MICU1: variants seen among roughly 807,000 people sequenced by gnomAD.
MICU1 encodes the protein mitochondrial calcium uptake 1, also known as calcium uptake protein 1, mitochondrial.
A neutral mutation model predicts 56.8 loss-of-function variants in MICU1; 45 were observed. That is an observed-to-expected ratio of 0.79 (90% confidence interval 0.62 to 1.02). MICU1 has a LOEUF of 1.02. Among genes scored for constraint, MICU1 ranks in the 50% least tolerant of loss-of-function variants. The pLI is 0.00. For missense variants in MICU1, 504 were observed against 587.1 expected, an observed-to-expected ratio of 0.86 and a Z score of 1.46; for synonymous variants, 186 against 195.1, an observed-to-expected ratio of 0.95 and a Z score of 0.39.
intron 5 of MICU1, among the ~76,000 whole-genome samples, chr10:72,513,023 C>T (rs1329254605): frequency 6.6e-6 from 1 of 152,000 alleles, no homozygotes; most frequent in Non-Finnish European, 1.5e-5. Context: ...TTGTTTAAGA[C>T]AGGAGGAGGT....
At chr10:72,559,438 T>C (rs1429696948) in intron 3 of MICU1, among the ~76,000 whole-genome samples, 4 of 151,798 alleles carry the variant, frequency 2.6e-5, no homozygotes, top group African/African-American at 9.6e-5. Flanking sequence ...TATATAATTT[T>C]ATAAAATATA....
At chr10:72,418,288 C>G (rs1356257452) in intron 9 of MICU1, among the ~76,000 whole-genome samples, 1 of 152,162 alleles carries the variant, frequency 6.6e-6, no homozygotes, top group Non-Finnish European at 1.5e-5. Flanking sequence ...AACCCCAGAA[C>G]ACTGATGCCT....
chr10:72,479,764 T>A (rs1394213115), intron 6 of MICU1, among the ~76,000 whole-genome samples: 1 of 152,172 alleles, frequency 6.6e-6, no homozygotes, highest in Non-Finnish European at 1.5e-5. Flanking sequence ...TGGCCTCAAA[T>A]GATCCTCCTG....
At chr10:72,592,523 C>A (rs576711039) in intron 1 of MICU1, among the ~76,000 whole-genome samples, 1 of 152,048 alleles carries the variant, frequency 6.6e-6, no homozygotes, top group Non-Finnish European at 1.5e-5. Flanking sequence ...AAAGACACTA[C>A]AAGAAAACTA....
chr10:72,602,945 A>C (rs1019815595), intron 1 of MICU1, among the ~76,000 whole-genome samples: 5 of 151,996 alleles, frequency 3.3e-5, no homozygotes, highest in Non-Finnish European at 7.4e-5. Flanking sequence ...GCCTCTGCTA[A>C]AAATACAAAA....
intron 1 of MICU1, among the ~76,000 whole-genome samples, chr10:72,580,740 G>A (rs991198221): frequency 6.6e-6 from 1 of 152,138 alleles, no homozygotes; most frequent in South Asian, 2.1e-4. Context: ...GCCTCCCAAA[G>A]TGCTGGGATT....
intron 8 of MICU1, among the ~76,000 whole-genome samples, chr10:72,463,895 A>G (rs1000640219): frequency 1.7e-4 from 26 of 152,244 alleles, no homozygotes; most frequent in African/African-American, 5.8e-4. Flanking sequence ...TTACAGATGT[A>G]CCATTTTTTA....
At chr10:72,451,836 C>G (rs1184721521) in intron 8 of MICU1, among the ~76,000 whole-genome samples, 2 of 151,908 alleles carry the variant, frequency 1.3e-5, no homozygotes, top group African/African-American at 4.8e-5. Flanking sequence ...AGCCACTGTG[C>G]CTGGCCGAAG....
intron 3 of MICU1, among the ~76,000 whole-genome samples, 191 bp from the exon 4 acceptor site, chr10:72,551,532 T>C (rs1840035744): frequency 6.6e-6 from 1 of 152,178 alleles, no homozygotes; most frequent in Non-Finnish European, 1.5e-5. Context: ...TTCTTGGAAT[T>C]TTTTATTTCT....
At chr10:72,618,210 T>C (rs1443955147) in intron 1 of MICU1, among the ~76,000 whole-genome samples, 1 of 151,878 alleles carries the variant, frequency 6.6e-6, no homozygotes, top group East Asian at 1.9e-4. Flanking sequence ...GGTTATAGCA[T>C]GGCAGAGGCA....
chr10:72,396,559 A>G (rs1192443946), intron 10 of MICU1, among the ~76,000 whole-genome samples: 2 of 152,222 alleles, frequency 1.3e-5, no homozygotes, highest in African/African-American at 4.8e-5. Flanking sequence ...CGAATGGCTA[A>G]TTAGAATAAA....
intron 5 of MICU1, among the ~76,000 whole-genome samples, chr10:72,518,207 A>T (rs906659060): frequency 2.0e-5 from 3 of 151,238 alleles, no homozygotes; most frequent in African/African-American, 7.3e-5. Flanking sequence ...TAATTTTTGT[A>T]TTTTTTTGTA....
chr10:72,486,881 A>G (rs1207635518), intron 6 of MICU1, among the ~76,000 whole-genome samples: 1 of 152,260 alleles, frequency 6.6e-6, no homozygotes, highest in African/African-American at 2.4e-5. Flanking sequence ...TTGCACCAAA[A>G]TAAACTCATA....
chr10:72,610,105 T>C (rs1841803359), intron 1 of MICU1, among the ~76,000 whole-genome samples: 1 of 151,520 alleles, frequency 6.6e-6, no homozygotes, highest in African/African-American at 2.4e-5. Flanking sequence ...CAAAAATTTT[T>C]TAAAAATTGG....
intron 8 of MICU1, among the ~76,000 whole-genome samples, chr10:72,459,739 C>A (rs1346882863): frequency 6.6e-6 from 1 of 152,216 alleles, no homozygotes; most frequent in Non-Finnish European, 1.5e-5. Flanking sequence ...ATTCCACCCA[C>A]ATCACTGATT....
intron 8 of MICU1, 62 bp from the exon 9 acceptor site, chr10:72,423,433 G>A (rs769718197): frequency 2.2e-5 from 34 of 1,557,596 alleles, no homozygotes; most frequent in South Asian, 3.6e-5. Flanking sequence ...CGTGGAACAC[G>A]GAATGATCAG....
At chr10:72,493,181 G>T (rs1041242346) in intron 6 of MICU1, among the ~76,000 whole-genome samples, 1 of 151,900 alleles carries the variant, frequency 6.6e-6, no homozygotes, top group Non-Finnish European at 1.5e-5. Context: ...GTATATGTAT[G>T]CATGTACATG....
intron 1 of MICU1, among the ~76,000 whole-genome samples, chr10:72,622,979 G>T (rs1842138826): frequency 2.0e-5 from 3 of 152,018 alleles, no homozygotes; most frequent in Admixed American, 6.6e-5. Context: ...TTTAAATTAT[G>T]AGTGGGAGGC....
chr10:72,565,477 C>T (rs866029598), intron 2 of MICU1, among the ~76,000 whole-genome samples: 2 of 109,160 alleles, frequency 1.8e-5, no homozygotes, highest in Admixed American at 2.8e-4. Context: ...CATCACACGC[C>T]GGGGCCTGTT....
Sources: allele counts gnomAD v4.1 joint callset (sites outside exome capture counted in the v4.1 genomes callset), GRCh38; gene constraint gnomAD v4.1.1; transcripts MANE v1.5; gene names NCBI Gene and HGNC (gene_info 2026-07-23, HGNC 2026-07-21).